PDGFC: variants seen among roughly 807,000 people sequenced by gnomAD.
PDGFC encodes the protein platelet derived growth factor C.
A neutral mutation model predicts 35.5 loss-of-function variants in PDGFC; 12 were observed. The observed-to-expected ratio is 0.34, with a 90% CI of 0.22 to 0.55. The LOEUF is 0.55. PDGFC is among the 20% of genes least tolerant of loss of function. The pLI, the probability that PDGFC is intolerant of heterozygous loss-of-function variation, is 0.91. For synonymous variants in PDGFC, 159 were observed against 148.8 expected, an observed-to-expected ratio of 1.07 and a Z score of -0.50; for missense variants, 322 against 412.4, an observed-to-expected ratio of 0.78 and a Z score of 1.90.
intron 2 of PDGFC, among the ~76,000 whole-genome samples, chr4:156,830,231 T>G (rs563170459): frequency 1.3e-5 from 2 of 151,840 alleles, no homozygotes; most frequent in East Asian, 3.9e-4. Flanking sequence ...ATAAGCTCTT[T>G]GAAGACAGGA....
intron 1 of PDGFC, among the ~76,000 whole-genome samples, chr4:156,902,310 T>C (rs1007582802): frequency 2.0e-5 from 3 of 152,158 alleles, no homozygotes; most frequent in Non-Finnish European, 2.9e-5. Context: ...ATTTAATGAG[T>C]CTTAATATTC....
In PDGFC at chr4:156,970,969, T is replaced by TAGA; in HGVS notation, c.-67_-66insTCT. 1.0e-6 allele frequency: 1 copy of TAGA among 999,754 alleles called. No individual in the cohort carries two copies. Among genetic ancestry groups the TAGA allele is most frequent in the Non-Finnish European group, 1.6e-6 (1 of 633,790 alleles). 61.9% of individuals were successfully genotyped at this position (999,754 alleles called of 1,614,324 possible). ...TGGAAGCAGCGACTCCCGAGTCTCT[T>TAGA]TCACCACCGCCAGGGGAAGGCTGCA... On this transcript the variant is annotated 5_prime_UTR_variant, in exon 1 of 6. Coordinates refer to ENST00000502773, the MANE Select transcript of PDGFC (RefSeq NM_016205.3).
At chr4:156,945,992 T>C (rs1367749395) in intron 1 of PDGFC, among the ~76,000 whole-genome samples, 3 of 152,120 alleles carry the variant, frequency 2.0e-5, no homozygotes, top group Admixed American at 6.6e-5. Flanking sequence ...GATTTGGCAA[T>C]AGTTATCATG....
rs141835614 is a variant in PDGFC, at chr4:156,811,107, C to T, written c.315-90G>A. The T allele has an allele frequency of 8.5e-5, 63 of 741,204 alleles. 1 individual carries two copies. The African/African-American group carries it at 9.9e-4, about 12-fold the overall frequency. 45.9% of individuals were successfully genotyped at this position (741,204 alleles called of 1,614,324 possible). ...CATGTCTGTGGGTGCTATGACTCTA[C>T]GGACCACAGCAGTGAGTTAATCCAA... On this transcript the variant is annotated intron_variant, in intron 2 of 5. Coordinates refer to ENST00000502773, the MANE Select transcript of PDGFC (RefSeq NM_016205.3).
intron 3 of PDGFC, among the ~76,000 whole-genome samples, chr4:156,797,724 G>A (rs758010701): frequency 7.9e-5 from 12 of 152,178 alleles, no homozygotes; most frequent in Non-Finnish European, 1.5e-4. Context: ...CATGGGGCCC[G>A]CGAGCCATGG....
rs371603480 is a variant in PDGFC, at chr4:156,874,230, T to C, written c.119-23814A>G. 7.2e-4 allele frequency among the ~76,000 whole-genome samples: 109 copies of C among 152,326 alleles called. 3 individuals carry two copies. In the South Asian group the frequency reaches 0.022, roughly 31 times the overall value. On this transcript the variant is annotated intron_variant, in intron 1 of 5. Coordinates refer to ENST00000502773, the MANE Select transcript of PDGFC (RefSeq NM_016205.3). ...GATGATAACATATAGCTGTGTATTATACAGTTAATAAATTGTCTTAACCAT... is the reference window on the plus strand; with the variant it reads ...GATGATAACATATAGCTGTGTATTACACAGTTAATAAATTGTCTTAACCAT...
At chr4:156,919,198 C>G in intron 1 of PDGFC, among the ~76,000 whole-genome samples, 1 of 152,078 alleles carries the variant, frequency 6.6e-6, no homozygotes, top group East Asian at 1.9e-4. Context: ...AGTAGGCTGG[C>G]CTTAAAAATC....
chr4:156,963,286 A>G (rs1732384674), intron 1 of PDGFC, among the ~76,000 whole-genome samples: 1 of 151,896 alleles, frequency 6.6e-6, no homozygotes, highest in Admixed American at 6.6e-5. Flanking sequence ...TGGGCAACAT[A>G]GTAAGACCCC....
intron 3 of PDGFC, among the ~76,000 whole-genome samples, chr4:156,792,359 T>A (rs551225227): frequency 1.3e-5 from 2 of 152,296 alleles, no homozygotes; most frequent in Middle Eastern, 3.4e-3. Flanking sequence ...AGTGTATTGG[T>A]GGGACACTTG....
At chr4:156,931,176 T>C (rs1225565146) in intron 1 of PDGFC, among the ~76,000 whole-genome samples, 3 of 152,174 alleles carry the variant, frequency 2.0e-5, no homozygotes, top group African/African-American at 7.2e-5. Flanking sequence ...CTTCCAGAAC[T>C]TGAAACTGAT....
chr4:156,906,115 T>C (rs991965099), intron 1 of PDGFC, among the ~76,000 whole-genome samples: 2 of 152,188 alleles, frequency 1.3e-5, no homozygotes, highest in African/African-American at 4.8e-5. Context: ...ATACTAGCAC[T>C]TCTGAAGTTA....
In PDGFC at chr4:156,837,108, C is replaced by G. The variant is rs187319329; in HGVS notation, c.314+13113G>C. Among the ~76,000 whole-genome samples the G allele has an allele frequency of 1.5e-3, 233 of 152,270 alleles. 1 individual carries two copies. The highest frequency in any genetic ancestry group is 0.014 in the Admixed American group (215 of 15,302). ...GGAATATGATATTAATATTTCAATA[C>G]TGGAGGTATATCTAAACAAAACATT... On this transcript the variant is annotated intron_variant, in intron 2 of 5. Coordinates refer to ENST00000502773, the MANE Select transcript of PDGFC (RefSeq NM_016205.3).
chr4:156,903,245 A>G (rs1730836596), intron 1 of PDGFC, among the ~76,000 whole-genome samples: 2 of 152,110 alleles, frequency 1.3e-5, no homozygotes, highest in Non-Finnish European at 2.9e-5. Flanking sequence ...GAATATGATT[A>G]TGAAAATAAT....
At chr4:156,958,215 G>A (rs758844315) in intron 1 of PDGFC, among the ~76,000 whole-genome samples, 1 of 151,726 alleles carries the variant, frequency 6.6e-6, no homozygotes, top group Non-Finnish European at 1.5e-5. Flanking sequence ...GCTTCAGACA[G>A]GTACCTAAGG....
At chr4:156,874,434 G>C (rs1417452801) in intron 1 of PDGFC, among the ~76,000 whole-genome samples, 1 of 152,038 alleles carries the variant, frequency 6.6e-6, no homozygotes. Flanking sequence ...TAAGTATAAA[G>C]TGATTTCTAA....
At chr4:156,964,009 T>C (rs1445831714) in intron 1 of PDGFC, among the ~76,000 whole-genome samples, 1 of 151,720 alleles carries the variant, frequency 6.6e-6, no homozygotes, top group Non-Finnish European at 1.5e-5. Flanking sequence ...CTTGAACTTC[T>C]GAATAGAATA....
At chr4:156,780,404 A>C (rs1288385184) in intron 3 of PDGFC, among the ~76,000 whole-genome samples, 1 of 152,120 alleles carries the variant, frequency 6.6e-6, no homozygotes, top group East Asian at 1.9e-4. Flanking sequence ...TCAAACCCAA[A>C]ATCTTTGAAG....
intron 2 of PDGFC, among the ~76,000 whole-genome samples, chr4:156,829,452 C>A (rs993328458): frequency 2.0e-5 from 3 of 152,132 alleles, no homozygotes; most frequent in African/African-American, 7.2e-5. Context: ...CTAAATCTAC[C>A]ATCCTGGGCA....
chr4:156,852,533 C>T (rs955149697), intron 1 of PDGFC, among the ~76,000 whole-genome samples: 4 of 152,134 alleles, frequency 2.6e-5, no homozygotes, highest in Admixed American at 2.0e-4. Context: ...CTTTTATCTT[C>T]GCACTAGTGA....
Sources: allele counts gnomAD v4.1 joint callset (sites outside exome capture counted in the v4.1 genomes callset), GRCh38; gene constraint gnomAD v4.1.1; transcripts MANE v1.5; gene names NCBI Gene and HGNC (gene_info 2026-07-23, HGNC 2026-07-21).